Variants in THSD7B observed in about 807,000 individuals in gnomAD.
The protein encoded by THSD7B is thrombospondin type 1 domain containing 7B.
In THSD7B, 138 loss-of-function variants were observed where a neutral mutation model predicts 213.6. The observed-to-expected ratio is 0.65, with a 90% CI of 0.56 to 0.74. The LOEUF is 0.74. Among genes scored for constraint, THSD7B ranks in the 30% least tolerant of loss-of-function variants. THSD7B has a pLI of 0.00. For synonymous variants in THSD7B, 742 were observed against 687.0 expected (o/e 1.08, Z -1.25); for missense variants, 1,931 against 1,991.5 (o/e 0.97, Z 0.58).
At chr2:137,573,765 G>A (rs1280248285) in intron 17 of THSD7B, among the ~76,000 whole-genome samples, 1 of 152,010 alleles carries the variant, frequency 6.6e-6, no homozygotes, top group East Asian at 1.9e-4. Context: ...GTGTAGAAAG[G>A]TTAAGTGGTT....
chr2:137,095,148 T>C (rs1688018412), intron 4 of THSD7B, 27 bp downstream of exon 4: 1 of 1,608,530 alleles, frequency 6.2e-7, no homozygotes, highest in Non-Finnish European at 8.5e-7. Flanking sequence ...CCTTCTTTAG[T>C]GTGAAGGAGG....
At chr2:137,654,090 A>G (rs543874769) in intron 21 of THSD7B, among the ~76,000 whole-genome samples, 19 of 151,962 alleles carry the variant, frequency 1.3e-4, no homozygotes, top group Non-Finnish European at 2.2e-4. Flanking sequence ...TTCGTAATTT[A>G]ACTGTTGGTT....
Position 137,610,593 on chromosome 2 carries a change from T to C in THSD7B, c.3424-5582T>C, listed in dbSNP as rs145367685. On this transcript the variant is annotated intron_variant, in intron 17 of 27. Transcript: ENST00000409968. ...CAAAGAACCCTGTGAAAGGAAATAT[T>C]CTAAACACATGAAGAGTTGACTCAG... Among the ~76,000 whole-genome samples, 616 of 152,246 alleles carry C rather than the reference T, an allele frequency of 4.0e-3. 6 individuals carry two copies. Among genetic ancestry groups the C allele is most frequent in the African/African-American group, 0.014 (593 of 41,540 alleles).
chr2:136,998,909 G>GACACAA (rs1295053031), intron 2 of THSD7B, among the ~76,000 whole-genome samples: 1,795 of 129,970 alleles, frequency 0.014, 29 homozygotes, highest in African/African-American at 0.023. Context: ...ATACCCAACA[G>GACACAA]ACACACACAC....
intron 1 of THSD7B, among the ~76,000 whole-genome samples, chr2:136,772,208 T>C (rs995970446): frequency 6.6e-6 from 1 of 152,056 alleles, no homozygotes. Context: ...ACTCAGCAGG[T>C]TCAGTCTTTA....
At chr2:137,153,214 T>A (rs1679851032) in intron 5 of THSD7B, among the ~76,000 whole-genome samples, 1 of 152,180 alleles carries the variant, frequency 6.6e-6, no homozygotes, top group East Asian at 1.9e-4. Flanking sequence ...TTCACTTGTT[T>A]TGCCTTTATT....
intron 10 of THSD7B, among the ~76,000 whole-genome samples, chr2:137,249,547 G>C (rs896170760): frequency 2.0e-5 from 3 of 152,184 alleles, no homozygotes; most frequent in Non-Finnish European, 4.4e-5. Context: ...CTGGACTAGA[G>C]ATTGATGTAT....
At chr2:137,543,865 G>GAA (rs140909846) in intron 15 of THSD7B, among the ~76,000 whole-genome samples, 1 of 151,612 alleles carries the variant, frequency 6.6e-6, no homozygotes, top group African/African-American at 2.4e-5. Context: ...AAAAGGACCC[G>GAA]AAAAAATGCT....
chr2:137,142,538 G>C (rs1679607443), intron 5 of THSD7B, among the ~76,000 whole-genome samples: 1 of 152,000 alleles, frequency 6.6e-6, no homozygotes, highest in South Asian at 2.1e-4. Context: ...CTAAAACCTT[G>C]TCTATTATAC....
At chr2:136,781,821 C>A (rs918316609) in intron 1 of THSD7B, among the ~76,000 whole-genome samples, 2 of 152,238 alleles carry the variant, frequency 1.3e-5, no homozygotes, top group Non-Finnish European at 1.5e-5. Context: ...CCATGGCTCT[C>A]GCTACCCTTT....
intron 12 of THSD7B, among the ~76,000 whole-genome samples, chr2:137,375,257 C>T (rs926911130): frequency 7.2e-5 from 11 of 152,040 alleles, no homozygotes; most frequent in African/African-American, 1.2e-4. Flanking sequence ...CAGTTTTATA[C>T]TTAGCTAATT....
At chr2:137,446,975 G>A (rs1687553929) in intron 14 of THSD7B, among the ~76,000 whole-genome samples, 2 of 152,042 alleles carry the variant, frequency 1.3e-5, no homozygotes, top group Non-Finnish European at 2.9e-5. Flanking sequence ...TGTTAAGTGT[G>A]TGGTAAAACT....
chr2:136,803,154 C>G (rs904788394), intron 1 of THSD7B, among the ~76,000 whole-genome samples: 1 of 151,078 alleles, frequency 6.6e-6, no homozygotes, highest in Non-Finnish European at 1.5e-5. Flanking sequence ...TAAATACACC[C>G]ACACACACAC....
intron 2 of THSD7B, among the ~76,000 whole-genome samples, chr2:136,909,031 A>T (rs1057355344): frequency 1.3e-5 from 2 of 152,004 alleles, no homozygotes; most frequent in Admixed American, 1.3e-4. Context: ...AAATACAAAA[A>T]AGTTAGTCAG....
chr2:137,310,113 A>G (rs567715294), intron 12 of THSD7B, among the ~76,000 whole-genome samples: 85 of 152,158 alleles, frequency 5.6e-4, no homozygotes, highest in African/African-American at 2.0e-3. Context: ...ACTAGTTTAC[A>G]GTCCCACCAA....
At chr2:136,993,455 T>C (rs1453710019) in intron 2 of THSD7B, among the ~76,000 whole-genome samples, 1 of 152,166 alleles carries the variant, frequency 6.6e-6, no homozygotes, top group Non-Finnish European at 1.5e-5. Context: ...AAATAGTAAG[T>C]GACATTTAGC....
intron 2 of THSD7B, among the ~76,000 whole-genome samples, chr2:136,986,132 G>C (rs1047000421): frequency 6.6e-6 from 1 of 152,184 alleles, no homozygotes; most frequent in Non-Finnish European, 1.5e-5. Flanking sequence ...CCCATTTCCA[G>C]ATAAGACTTT....
At chr2:137,155,225 C>T (rs1200212080) in intron 5 of THSD7B, among the ~76,000 whole-genome samples, 1 of 152,110 alleles carries the variant, frequency 6.6e-6, no homozygotes, top group Admixed American at 6.6e-5. Context: ...TGGGGATTAA[C>T]ATTGCTGTCT....
chr2:136,823,925 C>T (rs1682603610), intron 1 of THSD7B, among the ~76,000 whole-genome samples: 1 of 152,116 alleles, frequency 6.6e-6, no homozygotes, highest in Admixed American at 6.5e-5. Flanking sequence ...TGGATTCCTA[C>T]CCTGAACATT....
Sources: gnomAD v4.1 joint callset for allele counts (sites outside exome capture counted in the v4.1 genomes callset) on GRCh38, gnomAD v4.1.1 for gene constraint, MANE v1.5 for transcripts, NCBI Gene and HGNC (gene_info 2026-07-23, HGNC 2026-07-21) for gene names.